RYR2: variants seen among roughly 807,000 people sequenced by gnomAD.
The protein encoded by RYR2 is cardiac muscle ryanodine receptor-calcium release channel.
Under a neutral mutation model 601.1 loss-of-function variants are expected in RYR2, and 227 were observed. That is an observed-to-expected ratio of 0.38 (90% confidence interval 0.34 to 0.42). RYR2 has a LOEUF of 0.42. Ranked by LOEUF, RYR2 falls within the 10% of genes least tolerant of loss-of-function variation. RYR2 has a pLI of 1.00. For missense variants in RYR2, 4,646 were observed against 6,156.5 expected (o/e 0.75, Z 8.21); for synonymous variants, 2,223 against 2,175.1 (o/e 1.02, Z -0.61).
At chr1:237,598,865 T>G (rs1007658513) in intron 34 of RYR2, among the ~76,000 whole-genome samples, 1 of 152,162 alleles carries the variant, frequency 6.6e-6, no homozygotes, top group African/African-American at 2.4e-5. Context: ...AGAGTTGGTT[T>G]TTTGAAAAGA....
intron 100 of RYR2, 76 bp from the exon 101 acceptor site, chr1:237,818,960 A>C: frequency 9.1e-6 from 12 of 1,316,726 alleles, no homozygotes; most frequent in South Asian, 1.4e-5. Flanking sequence ...TAGGAACTAC[A>C]GAGATAACTC....
chr1:237,449,362 T>G (rs904355204), intron 14 of RYR2, among the ~76,000 whole-genome samples: 1 of 152,298 alleles, frequency 6.6e-6, no homozygotes, highest in South Asian at 2.1e-4. Context: ...CTACCTTTAA[T>G]TGATATTTTG....
At chr1:237,701,528 CA>C (rs111464453) in intron 65 of RYR2, among the ~76,000 whole-genome samples, 72 of 143,592 alleles carry the variant, frequency 5.0e-4, no homozygotes, top group Middle Eastern at 3.6e-3. Flanking sequence ...GACTCTATCT[CA>C]AAAAAAAAAA....
At chr1:237,414,465 T>A (rs1469702850) in intron 10 of RYR2, among the ~76,000 whole-genome samples, 7 of 152,136 alleles carry the variant, frequency 4.6e-5, no homozygotes, top group African/African-American at 1.7e-4. Context: ...GGTCCAGCAA[T>A]CTCTTTTTAA....
At chr1:237,084,039 C>T (rs541251241) in intron 1 of RYR2, among the ~76,000 whole-genome samples, 37 of 152,300 alleles carry the variant, frequency 2.4e-4, no homozygotes, top group South Asian at 2.1e-3. Context: ...CCCTGGGCCT[C>T]TCTTGGTTCT....
intron 1 of RYR2, among the ~76,000 whole-genome samples, chr1:237,217,045 T>G (rs1482460932): frequency 2.0e-5 from 3 of 152,198 alleles, no homozygotes; most frequent in Non-Finnish European, 4.4e-5. Context: ...TCTTACAAAT[T>G]GGAAGGGCTC....
At chr1:237,330,253 C>G (rs1696572937) in intron 2 of RYR2, among the ~76,000 whole-genome samples, 1 of 152,174 alleles carries the variant, frequency 6.6e-6, no homozygotes, top group East Asian at 1.9e-4. Flanking sequence ...TAGTAATAAT[C>G]CTTACTATAG....
At chr1:237,438,221 T>C (rs956394173) in intron 12 of RYR2, among the ~76,000 whole-genome samples, 8 of 152,196 alleles carry the variant, frequency 5.3e-5, no homozygotes, top group Non-Finnish European at 1.2e-4. Context: ...TTTGAACATA[T>C]TTTATATTTA....
chr1:237,400,148 C>G (rs1159252511), intron 10 of RYR2, among the ~76,000 whole-genome samples: 2 of 152,090 alleles, frequency 1.3e-5, no homozygotes, highest in Non-Finnish European at 2.9e-5. Flanking sequence ...CTGTAGTTGT[C>G]AAACTCTTAC....
intron 1 of RYR2, among the ~76,000 whole-genome samples, chr1:237,229,819 A>G (rs1684781907): frequency 6.6e-6 from 1 of 152,206 alleles, no homozygotes; most frequent in East Asian, 1.9e-4. Context: ...GCTCAAGGAC[A>G]CTGCATCTCC....
intron 2 of RYR2, among the ~76,000 whole-genome samples, chr1:237,314,721 A>G (rs1694938278): frequency 6.6e-6 from 1 of 152,180 alleles, no homozygotes. Flanking sequence ...GATATATTAT[A>G]TTGCTTGCTC....
At chr1:237,435,590 A>G (rs1163778464) in intron 12 of RYR2, among the ~76,000 whole-genome samples, 3 of 152,206 alleles carry the variant, frequency 2.0e-5, no homozygotes, top group Admixed American at 6.5e-5. Flanking sequence ...AGAGAAATTC[A>G]GTTATAGTTG....
chr1:237,743,625 T>A (rs1256032997), intron 80 of RYR2: 1 of 518,836 alleles, frequency 1.9e-6, no homozygotes, highest in East Asian at 5.5e-5. Context: ...CGCAGCAAGG[T>A]AAAACTATAT....
chr1:237,175,565 G>T (rs548595057), intron 1 of RYR2, among the ~76,000 whole-genome samples: 1 of 152,254 alleles, frequency 6.6e-6, no homozygotes, highest in African/African-American at 2.4e-5. Context: ...TGGATGAGTT[G>T]TAATTGTTTT....
At position 237,708,995 on chromosome 1, in the gene RYR2, G is replaced by A. The variant is rs529077463; in HGVS notation, c.10039G>A (p.Asp3347Asn). Residue 3347 changes from aspartate to asparagine, a missense_variant, in exon 69 of 105, where the codon GAC becomes AAC. Asp to Asn is a conservative substitution (Grantham distance 23). Coordinates refer to ENST00000366574, the MANE Select transcript of RYR2 (RefSeq NM_001035.3). ...CCACCTGAAAGCTGAGGCCAGGGGG[G>A]ACATGTCGGAGGCAGAACTCCTCAT... ...EDHLKAEARG[D>N]MSEAELLILD... 3.1e-6 allele frequency: 5 copies of A among 1,613,718 alleles called. No individual in the cohort carries two copies. The highest frequency in any genetic ancestry group is 1.3e-5 in the African/African-American group (1 of 75,030).
chr1:237,149,455 G>T (rs1435885907), intron 1 of RYR2, among the ~76,000 whole-genome samples: 5 of 152,170 alleles, frequency 3.3e-5, no homozygotes, highest in African/African-American at 9.7e-5. Flanking sequence ...AGATTTAGCA[G>T]TTAGGCCTCA....
chr1:237,632,714 G>A (rs1680484656), intron 42 of RYR2, among the ~76,000 whole-genome samples: 1 of 151,778 alleles, frequency 6.6e-6, no homozygotes, highest in Admixed American at 6.6e-5. Flanking sequence ...ACTTTTAAGT[G>A]ACCACAACTT....
At chr1:237,247,612 C>T (rs1173070521) in intron 1 of RYR2, among the ~76,000 whole-genome samples, 1 of 152,064 alleles carries the variant, frequency 6.6e-6, no homozygotes, top group African/African-American at 2.4e-5. Context: ...AATAGGCTGC[C>T]CCTCACCAGC....
chr1:237,217,192 A>G (rs1683284637), intron 1 of RYR2, among the ~76,000 whole-genome samples: 1 of 152,214 alleles, frequency 6.6e-6, no homozygotes, highest in South Asian at 2.1e-4. Context: ...AGCCTCTGAC[A>G]TGGAGTATTT....
Sources: gnomAD v4.1 joint callset for allele counts (sites outside exome capture counted in the v4.1 genomes callset) on GRCh38, gnomAD v4.1.1 for gene constraint, MANE v1.5 for transcripts, NCBI Gene and HGNC (gene_info 2026-07-23, HGNC 2026-07-21) for gene names.